The following UPF1 variants were observed in gnomAD, a reference collection of about 807,000 sequenced individuals.
UPF1 encodes regulator of nonsense transcripts 1.
In UPF1, 9 loss-of-function variants were observed where a neutral mutation model predicts 129.2. That is an observed-to-expected ratio of 0.07 (90% CI 0.04 to 0.12). The LOEUF (loss-of-function observed/expected upper bound fraction) is 0.12, where lower values mean the gene tolerates loss of function less well. Among genes scored for constraint, UPF1 ranks in the 10% least tolerant of loss-of-function variants. The pLI is 1.00. For synonymous variants in UPF1, 649 were observed against 644.9 expected, an observed-to-expected ratio of 1.01 and a Z score of -0.10; for missense variants, 788 against 1,525.3, an observed-to-expected ratio of 0.52 and a Z score of 8.05.
rs201936003 is a variant in UPF1 at position 18,854,641 on chromosome 19, G to T, written c.1197G>T (p.Val399=). Residue 399 remains valine (V), a synonymous_variant, in exon 9 of 24, where the codon GTG becomes GTT. Coordinates refer to ENST00000262803, the MANE Select transcript of UPF1 (RefSeq NM_002911.4). The stretch of plus-strand genomic sequence containing the variant: ...TCGCCATTGAGCTGCGGAGCAGCGT[G>T]GGTGCACCTGTGGAGGTGACTCACA... ...DEIAIELRSS[V]GAPVEVTHNF... The T allele has an allele frequency of 1.2e-4, 201 of 1,614,112 alleles. 1 individual carries two copies. In the East Asian group the frequency reaches 3.3e-3, roughly 26 times the overall value.
chr19:18,847,046 C>T (rs776225608), intron 2 of UPF1, among the ~76,000 whole-genome samples: 2 of 152,252 alleles, frequency 1.3e-5, no homozygotes, highest in Non-Finnish European at 2.9e-5. Flanking sequence ...CCCTGCAGCT[C>T]CTTGCCCGCG....
intron 3 of UPF1, 113 bp downstream of exon 3, chr19:18,847,946 G>GT: frequency 8.9e-7 from 1 of 1,121,106 alleles, no homozygotes. Context: ...ACAAACCTGG[G>GT]TTTTTTCCTC....
At chr19:18,861,021 A>T in intron 17 of UPF1, 39 bp downstream of exon 17, 6 of 1,539,482 alleles carry the variant, frequency 3.9e-6, no homozygotes, top group Non-Finnish European at 5.2e-6. Context: ...CTCCTGGGCC[A>T]TGCAAGGGTA....
chr19:18,850,914 G>T lies in UPF1; in HGVS notation c.810+46G>T. On this transcript the variant is annotated intron_variant, in intron 5 of 23. Transcript: ENST00000262803. The surrounding 1 kb of genome is among the most constrained non-coding windows in gnomAD (Gnocchi z 7.1). Reference sequence around the variant, plus strand: ...GACCCGTGCCTTCGTGTGGTTTCTGGTTGCGGGGAGGGGAGTGTCTTCAGA... The same window carrying T: ...GACCCGTGCCTTCGTGTGGTTTCTGTTTGCGGGGAGGGGAGTGTCTTCAGA... 6.7e-7 allele frequency: 1 copy of T among 1,482,996 alleles called. No homozygotes were observed. The highest frequency in any genetic ancestry group is 9.0e-7 in the Non-Finnish European group (1 of 1,111,614). 91.9% of individuals were successfully genotyped at this position (1,482,996 alleles called of 1,614,324 possible).
Position 18,860,362 on chromosome 19 carries a change from C to A in UPF1, c.2224C>A (p.Pro742Thr). Residue 742 changes from proline to threonine, a missense_variant, in exon 16 of 24, where the codon CCC becomes ACC. Physicochemically the swap from Pro to Thr is conservative, Grantham distance 38. Transcript: ENST00000262803. Reference protein sequence around the residue: ...KKGFDFQWPQPDKPMFFYVTQ... With the variant: ...KKGFDFQWPQTDKPMFFYVTQ... The stretch of plus-strand genomic sequence containing the variant: ...GGGATTTGACTTCCAGTGGCCCCAA[C>A]CCGATAAACCGATGTTCTTCTACGT... The A allele has an allele frequency of 6.2e-7, 1 of 1,614,138 alleles. No homozygotes were observed. Among genetic ancestry groups the A allele is most frequent in the Non-Finnish European group, 8.5e-7 (1 of 1,180,038 alleles).
At chr19:18,840,561 T>G (rs1292185585) in intron 1 of UPF1, among the ~76,000 whole-genome samples, 2 of 151,926 alleles carry the variant, frequency 1.3e-5, no homozygotes, top group East Asian at 3.9e-4. Context: ...GTCGGGATAG[T>G]CTAGCTTGGC....
intron 1 of UPF1, among the ~76,000 whole-genome samples, chr19:18,845,604 G>A (rs749455744): frequency 2.0e-5 from 3 of 152,150 alleles, no homozygotes; most frequent in Non-Finnish European, 2.9e-5. Context: ...TTACACTGTG[G>A]TGGGTCTGGC....
chr19:18,861,043 C>T (rs777336992), intron 17 of UPF1, 61 bp downstream of exon 17: 160 of 1,499,742 alleles, frequency 1.1e-4, no homozygotes, highest in Admixed American at 5.0e-4. Context: ...TGACCCTTGA[C>T]CTTTAAGTTA....
intron 20 of UPF1, 40 bp downstream of exon 20, chr19:18,864,291 T>C: frequency 6.4e-7 from 1 of 1,561,524 alleles, no homozygotes; most frequent in Middle Eastern, 1.7e-4. Flanking sequence ...CCCCTTGTCC[T>C]CACACCGGGA....
rs1601125034 is a variant in UPF1 at position 18,860,331 on chromosome 19, G to A, written c.2193G>A (p.Val731=). ...TCCCTCCCCTCACAGCGGATCGTGT[G>A]AAGAAGGGATTTGACTTCCAGTGGC... The part of the protein sequence containing the change: ...LQNGVTAADR[V]KKGFDFQWPQ... The change falls in exon 16 of 24, where the codon GTG becomes GTA. Residue 731 remains valine (V), a synonymous_variant. Transcript: ENST00000262803. 2 of 1,614,144 alleles carry A rather than the reference G, an allele frequency of 1.2e-6. No individual in the cohort carries two copies. Among genetic ancestry groups the A allele is most frequent in the Non-Finnish European group, 1.7e-6 (2 of 1,180,030 alleles).
chr19:18,842,964 G>A (rs1253121309), intron 1 of UPF1, among the ~76,000 whole-genome samples: 1 of 151,636 alleles, frequency 6.6e-6, no homozygotes, highest in Non-Finnish European at 1.5e-5. Context: ...TCCAGCGTAG[G>A]CAACGAGAGT....
At chr19:18,838,148 A>G (rs1233049029) in intron 1 of UPF1, among the ~76,000 whole-genome samples, 1 of 152,232 alleles carries the variant, frequency 6.6e-6, no homozygotes, top group Non-Finnish European at 1.5e-5. Flanking sequence ...AGTTCCATAC[A>G]GTCTTGGGTT....
Position 18,857,270 on chromosome 19 carries a change from G to C in UPF1, c.1969-50G>C, listed in dbSNP as rs1465827265. The stretch of plus-strand genomic sequence containing the variant: ...TACTTCCTTGCTAGTGTGTGTTGAG[G>C]CTGATTCACACCTGAGCTTCTTGAC... On this transcript the variant is annotated intron_variant, in intron 14 of 23. Coordinates refer to ENST00000262803, the MANE Select transcript of UPF1 (RefSeq NM_002911.4). 13 of 1,572,604 alleles carry C rather than the reference G, an allele frequency of 8.3e-6. No individual in the cohort carries two copies. The East Asian group carries it at 2.9e-4, about 35-fold the overall frequency.
intron 15 of UPF1, among the ~76,000 whole-genome samples, chr19:18,858,111 G>A (rs1300245946): frequency 6.6e-6 from 1 of 152,232 alleles, no homozygotes; most frequent in Non-Finnish European, 1.5e-5. Context: ...GTTTCACTGT[G>A]ACCAGATAAA....
rs148071132 is a variant in UPF1, at chr19:18,868,161, A to T, written c.*1644A>T. On this transcript the variant is annotated 3_prime_UTR_variant, in exon 24 of 24. Coordinates refer to ENST00000262803, the MANE Select transcript of UPF1 (RefSeq NM_002911.4). ...AACCCAGGCGCACTGTACCAAGGCA[A>T]TGTAACTTTTGATTTTCGGTCAATT... 11 of 235,714 alleles carry T rather than the reference A, an allele frequency of 4.7e-5. No homozygotes were observed. The East Asian group carries it at 7.4e-4, about 16-fold the overall frequency. The allele number at this position is 235,714 out of a possible 1,614,324, so 14.6% of individuals were successfully genotyped here. A position where few individuals can be genotyped will look rare whatever the true frequency, so the allele number is the denominator to read the frequency against.
At chr19:18,856,431 C>A in intron 13 of UPF1, 131 bp downstream of exon 13, 1 of 851,264 alleles carries the variant, frequency 1.2e-6, no homozygotes, top group Non-Finnish European at 1.8e-6. Flanking sequence ...TACTTGGCCT[C>A]TCTGCGCTCA....
intron 17 of UPF1, among the ~76,000 whole-genome samples, chr19:18,861,234 C>A (rs566002295): frequency 2.0e-5 from 3 of 152,238 alleles, no homozygotes; most frequent in African/African-American, 7.2e-5. Context: ...GAGATTGGCA[C>A]ATCAAGGTGT....
At chr19:18,860,561 C>G (rs2055767206) in intron 16 of UPF1, 123 bp downstream of exon 16, 1 of 1,016,438 alleles carries the variant, frequency 9.8e-7, no homozygotes, top group South Asian at 1.5e-5. Context: ...CCTGTTTAGC[C>G]TGTTTAGACT....
intron 1 of UPF1, among the ~76,000 whole-genome samples, chr19:18,840,301 C>G (rs951001380): frequency 6.6e-6 from 1 of 152,186 alleles, no homozygotes; most frequent in Admixed American, 6.5e-5. Context: ...GCTGCCCCCT[C>G]CCAGTCCTCA....
Sources: gnomAD v4.1 joint callset for allele counts (sites outside exome capture counted in the v4.1 genomes callset) on GRCh38, gnomAD v4.1.1 for gene constraint, Gnocchi (gnomAD v3.1) non-coding constraint, MANE v1.5 for transcripts, NCBI Gene and HGNC (gene_info 2026-07-23, HGNC 2026-07-21) for gene names.